Variants in EPB41L4A observed in about 807,000 individuals in gnomAD.
EPB41L4A encodes the protein erythrocyte membrane protein band 4.1 like 4A.
A neutral mutation model predicts 108.6 loss-of-function variants in EPB41L4A; 100 were observed. The observed-to-expected ratio is 0.92, with a 90% CI of 0.78 to 1.09. EPB41L4A has a LOEUF of 1.09. Among genes scored for constraint, EPB41L4A ranks in the 50% least tolerant of loss-of-function variants. The pLI is 0.00. For missense variants in EPB41L4A, 1,030 were observed against 842.7 expected (o/e 1.22, Z -2.75); for synonymous variants, 319 against 289.0 (o/e 1.10, Z -1.05).
intron 1 of EPB41L4A, among the ~76,000 whole-genome samples, chr5:112,386,063 T>C (rs777632140): frequency 4.3e-4 from 66 of 152,254 alleles, no homozygotes; most frequent in Non-Finnish European, 8.7e-4. Context: ...TAGCATTCTA[T>C]CTTTTTAAAG....
chr5:112,286,953 T>C (rs1580611401), intron 2 of EPB41L4A, among the ~76,000 whole-genome samples: 1 of 152,258 alleles, frequency 6.6e-6, no homozygotes, highest in East Asian at 1.9e-4. Context: ...CGTTGTTCCA[T>C]CATCCATGTT....
rs201069140 is a variant in EPB41L4A at position 112,252,254 on chromosome 5, T to G, written c.795+6975A>C. On this transcript the variant is annotated intron_variant, in intron 9 of 22. Coordinates refer to ENST00000261486, the MANE Select transcript of EPB41L4A (RefSeq NM_022140.5). Reference sequence around the variant, plus strand: ...ATATATTTCTATTTGTATATATGTGTATTAGGGTCTATGTGTGTATATATG... The same window carrying G: ...ATATATTTCTATTTGTATATATGTGGATTAGGGTCTATGTGTGTATATATG... 8.5e-5 allele frequency among the ~76,000 whole-genome samples: 13 copies of G among 152,224 alleles called. No homozygotes were observed. In the East Asian group the frequency reaches 2.5e-3, roughly 29 times the overall value.
chr5:112,231,908 G>A (rs1329778653), intron 12 of EPB41L4A, among the ~76,000 whole-genome samples: 1 of 150,582 alleles, frequency 6.6e-6, no homozygotes. Context: ...GGGAGTCTGA[G>A]ACCAGCCTAA....
intron 1 of EPB41L4A, among the ~76,000 whole-genome samples, chr5:112,415,033 C>T (rs1394661048): frequency 6.6e-6 from 1 of 152,170 alleles, no homozygotes; most frequent in African/African-American, 2.4e-5. Context: ...CACATATAAA[C>T]TTAATATAAT....
chr5:112,204,005 C>G (rs1309024259), intron 15 of EPB41L4A, among the ~76,000 whole-genome samples: 1 of 151,468 alleles, frequency 6.6e-6, no homozygotes, highest in Non-Finnish European at 1.5e-5. Context: ...TGCCACTGCA[C>G]TCCAGCCTAG....
chr5:112,332,749 T>C (rs964837852), intron 1 of EPB41L4A, among the ~76,000 whole-genome samples: 4 of 152,282 alleles, frequency 2.6e-5, no homozygotes, highest in Admixed American at 2.0e-4. Context: ...ACTGAAAATA[T>C]GCACAGATAT....
intron 10 of EPB41L4A, 29 bp downstream of exon 10, chr5:112,240,690 C>A (rs1461482611): frequency 7.7e-7 from 1 of 1,304,170 alleles, no homozygotes. Context: ...TTTATTAAGA[C>A]AACAAACAAA....
chr5:112,349,505 T>C (rs1757900215), intron 1 of EPB41L4A, among the ~76,000 whole-genome samples: 1 of 152,150 alleles, frequency 6.6e-6, no homozygotes, highest in African/African-American at 2.4e-5. Context: ...TAACAGCTGC[T>C]ATAGGGACAA....
chr5:112,204,970 T>A (rs879392731), intron 14 of EPB41L4A, among the ~76,000 whole-genome samples: 1 of 152,160 alleles, frequency 6.6e-6, no homozygotes, highest in African/African-American at 2.4e-5. Flanking sequence ...GAACTATAAG[T>A]TACAACACAG....
intron 1 of EPB41L4A, among the ~76,000 whole-genome samples, chr5:112,382,074 AT>A (rs1157830716): frequency 2.0e-5 from 3 of 152,224 alleles, no homozygotes; most frequent in Non-Finnish European, 4.4e-5. Context: ...AGTTAGTCAA[AT>A]TTTTATTTAA....
chr5:112,301,557 T>C (rs1490324338), intron 2 of EPB41L4A, among the ~76,000 whole-genome samples: 6 of 152,150 alleles, frequency 3.9e-5, no homozygotes. Context: ...GTCTCTGGGT[T>C]CCTGCAGGAG....
rs774466034 is a variant in EPB41L4A at position 112,168,810 on chromosome 5, C to T, written c.1861G>A (p.Asp621Asn). ...SVLSEVNSKT[D>N]LVPPLPVTRS... ...GTCACCGGAAGTGGTGGTACAAGATCTGTTTTTGAACTGCAGAGAATGAGT... is the reference window on the plus strand; with the variant it reads ...GTCACCGGAAGTGGTGGTACAAGATTTGTTTTTGAACTGCAGAGAATGAGT... Residue 621 changes from aspartate to asparagine, a missense_variant, in exon 22 of 23, where the codon GAT becomes AAT. Transcript: ENST00000261486. 7 of 1,613,952 alleles carry T rather than the reference C, an allele frequency of 4.3e-6. No individual in the cohort carries two copies. The South Asian group carries it at 7.7e-5, about 18-fold the overall frequency.
intron 2 of EPB41L4A, among the ~76,000 whole-genome samples, chr5:112,303,504 T>C (rs1304028057): frequency 6.6e-6 from 1 of 152,070 alleles, no homozygotes; most frequent in East Asian, 1.9e-4. Context: ...AACACCAACA[T>C]TTTATGGAAC....
intron 1 of EPB41L4A, among the ~76,000 whole-genome samples, chr5:112,385,215 G>C (rs993341769): frequency 1.3e-5 from 2 of 152,060 alleles, no homozygotes; most frequent in Non-Finnish European, 2.9e-5. Context: ...GTGCTTCCAG[G>C]AAAAATGCTC....
intron 17 of EPB41L4A, among the ~76,000 whole-genome samples, chr5:112,186,699 G>A (rs932007196): frequency 1.3e-5 from 2 of 152,124 alleles, no homozygotes; most frequent in Non-Finnish European, 2.9e-5. Flanking sequence ...GTAGTGTGGC[G>A]GCCTTGGCCT....
At chr5:112,205,030 A>AT (rs1286997865) in intron 14 of EPB41L4A, among the ~76,000 whole-genome samples, 2 of 152,228 alleles carry the variant, frequency 1.3e-5, no homozygotes, top group African/African-American at 4.8e-5. Context: ...AGACATATCC[A>AT]TATTTTTAGG....
At chr5:112,147,556 C>G (rs987661200) in intron 12 of EPB41L4A, among the ~76,000 whole-genome samples, 1 of 150,872 alleles carries the variant, frequency 6.6e-6, no homozygotes, top group Non-Finnish European at 1.5e-5. Context: ...AGTAGAATCA[C>G]GAACCCGGGA....
chr5:112,358,288 T>C (rs1400549190), intron 1 of EPB41L4A, among the ~76,000 whole-genome samples: 4 of 152,256 alleles, frequency 2.6e-5, no homozygotes, highest in African/African-American at 9.6e-5. Flanking sequence ...ATTTATTTTT[T>C]ACTCTCTTAC....
At chr5:112,169,188 A>G (rs541836807) in intron 20 of EPB41L4A, 83 bp from the exon 21 acceptor site, 13 of 935,820 alleles carry the variant, frequency 1.4e-5, no homozygotes, top group Non-Finnish European at 2.3e-5. Flanking sequence ...TGAAACCGCA[A>G]AAGAATAACA....
Sources: allele counts gnomAD v4.1 joint callset (sites outside exome capture counted in the v4.1 genomes callset), GRCh38; gene constraint gnomAD v4.1.1; transcripts MANE v1.5; gene names NCBI Gene and HGNC (gene_info 2026-07-23, HGNC 2026-07-21).